The following TAFA1 variants were observed in gnomAD, a reference collection of about 807,000 sequenced individuals.
TAFA1 encodes the protein TAFA chemokine like family member 1.
Under a neutral mutation model 18.5 loss-of-function variants are expected in TAFA1, and 4 were observed. That is an observed-to-expected ratio of 0.22 (90% CI 0.11 to 0.49). TAFA1 has a LOEUF of 0.49. Among genes scored for constraint, TAFA1 ranks in the 20% least tolerant of loss-of-function variants. TAFA1 has a pLI of 0.98. For synonymous variants in TAFA1, 56 were observed against 55.2 expected (o/e 1.01, Z -0.06); for missense variants, 147 against 169.0 (o/e 0.87, Z 0.72).
At chr3:68,448,796 AT>A (rs1384633159) in intron 3 of TAFA1, among the ~76,000 whole-genome samples, 1 of 152,188 alleles carries the variant, frequency 6.6e-6, no homozygotes, top group Non-Finnish European at 1.5e-5. Flanking sequence ...CTGGGTTTTC[AT>A]TTTCTCACTG....
intron 3 of TAFA1, among the ~76,000 whole-genome samples, chr3:68,477,239 A>G (rs1464904736): frequency 6.6e-6 from 1 of 152,096 alleles, no homozygotes; most frequent in Non-Finnish European, 1.5e-5. Context: ...ATATTGTTGC[A>G]TATAATAGTT....
the TAFA1 span, among the ~76,000 whole-genome samples, chr3:67,994,059 C>A: frequency 4.6e-5 from 7 of 152,204 alleles, no homozygotes; most frequent in Non-Finnish European, 8.8e-5. Context: ...TTTCCATATT[C>A]TTTCATGATG....
At chr3:68,299,489 C>T (rs544858594) in intron 2 of TAFA1, among the ~76,000 whole-genome samples, 4 of 152,192 alleles carry the variant, frequency 2.6e-5, no homozygotes, top group South Asian at 2.1e-4. Flanking sequence ...GGAAGCAGAG[C>T]GTAAAAGTTT....
intron 2 of TAFA1, among the ~76,000 whole-genome samples, chr3:68,136,906 A>T (rs1441083582): frequency 6.6e-6 from 1 of 152,316 alleles, no homozygotes; most frequent in East Asian, 1.9e-4. Context: ...ATTTCAAAGG[A>T]TACTTCAGTG....
intron 2 of TAFA1, among the ~76,000 whole-genome samples, chr3:68,100,265 A>G (rs1232241162): frequency 6.6e-6 from 1 of 152,120 alleles, no homozygotes; most frequent in Admixed American, 6.6e-5. Context: ...CATGCAGATC[A>G]TTTGAGGTTA....
intron 2 of TAFA1, among the ~76,000 whole-genome samples, chr3:68,038,089 A>G (rs980708873): frequency 6.6e-6 from 1 of 152,200 alleles, no homozygotes; most frequent in Non-Finnish European, 1.5e-5. Context: ...AGGAAATCAC[A>G]GGGCGATGCT....
chr3:68,409,762 T>G (rs2070677453), intron 2 of TAFA1, among the ~76,000 whole-genome samples: 2 of 152,120 alleles, frequency 1.3e-5, no homozygotes, highest in Non-Finnish European at 2.9e-5. Context: ...ATTCAAAAAA[T>G]TTGACCCAGT....
At chr3:68,444,342 T>A (rs1228225854) in intron 3 of TAFA1, among the ~76,000 whole-genome samples, 1 of 152,192 alleles carries the variant, frequency 6.6e-6, no homozygotes, top group Non-Finnish European at 1.5e-5. Flanking sequence ...TCACATCCAA[T>A]GTAATTCCCT....
intron 2 of TAFA1, among the ~76,000 whole-genome samples, chr3:68,398,292 A>C (rs2070423368): frequency 6.6e-6 from 1 of 152,198 alleles, no homozygotes; most frequent in Admixed American, 6.5e-5. Flanking sequence ...CTGATCTTCC[A>C]CAAACCTGAC....
intron 2 of TAFA1, among the ~76,000 whole-genome samples, chr3:68,258,954 T>A (rs1490761793): frequency 6.6e-6 from 1 of 152,116 alleles, no homozygotes; most frequent in Non-Finnish European, 1.5e-5. Context: ...TGATCAAGAG[T>A]GCCCACGCAG....
intron 3 of TAFA1, among the ~76,000 whole-genome samples, chr3:68,532,986 C>A (rs1035021816): frequency 4.0e-5 from 6 of 150,834 alleles, no homozygotes; most frequent in East Asian, 1.9e-4. Flanking sequence ...GAAAAAGAGA[C>A]ACCAGTCACC....
rs899543761 is a variant in TAFA1 at position 68,119,052 on chromosome 3, G to GT, written c.118+112318dup. On this transcript the variant is annotated intron_variant, in intron 2 of 4. Transcript: ENST00000478136. ...CCAAAACTTATTTTCTTTTTTTTGG[G>GT]TTTTTTTTTTGATAGTAGCCATACA... 2.7e-3 allele frequency among the ~76,000 whole-genome samples: 399 copies of GT among 145,898 alleles called. 2 individuals are homozygous for GT. Among genetic ancestry groups the GT allele is most frequent in the African/African-American group, 7.6e-3 (304 of 39,962 alleles).
intron 2 of TAFA1, among the ~76,000 whole-genome samples, chr3:68,311,253 T>G (rs1234852706): frequency 6.6e-6 from 1 of 152,116 alleles, no homozygotes; most frequent in Non-Finnish European, 1.5e-5. Flanking sequence ...AGATGAGATT[T>G]GGGTGGGGAC....
At chr3:68,421,002 C>T (rs1028058582) in intron 3 of TAFA1, among the ~76,000 whole-genome samples, 2 of 152,094 alleles carry the variant, frequency 1.3e-5, no homozygotes, top group Non-Finnish European at 2.9e-5. Flanking sequence ...GCCTTGAAGC[C>T]GTTAACTATA....
chr3:68,135,087 G>A (rs1042872905), intron 2 of TAFA1, among the ~76,000 whole-genome samples: 3 of 152,128 alleles, frequency 2.0e-5, no homozygotes, highest in African/African-American at 4.8e-5. Context: ...GTTCCAGATT[G>A]GAAGAACAAG....
rs755782307 is a variant in TAFA1 at position 68,486,078 on chromosome 3, TTTTATTTTATTTTATTTTATTTTGTTTTA to T, written c.260-52674_260-52646del. Among the ~76,000 whole-genome samples, 336 of 90,666 alleles carry T rather than the reference TTTTATTTTATTTTATTTTATTTTGTTTTA, an allele frequency of 3.7e-3. 1 individual carries two copies. The highest frequency in any genetic ancestry group is 8.7e-3 in the African/African-American group (209 of 24,146). The allele number at this position is 90,666 out of a possible 152,430, so 59.5% of individuals were successfully genotyped here. On this transcript the variant is annotated intron_variant, in intron 3 of 4. Transcript: ENST00000478136. ...ATTCCTGGCTAAATTTTTATTTTTA[TTTTATTTTATTTTATTTTATTTTGTTTTA>T]TTTTATTTTATTTTATTTTATTTTA...
At chr3:68,074,917 T>C (rs997768425) in intron 2 of TAFA1, among the ~76,000 whole-genome samples, 1 of 152,204 alleles carries the variant, frequency 6.6e-6, no homozygotes, top group Non-Finnish European at 1.5e-5. Flanking sequence ...TCTCTGAAAT[T>C]GTTGCAACAA....
chr3:68,162,824 C>T (rs1371390017), intron 2 of TAFA1, among the ~76,000 whole-genome samples: 1 of 152,134 alleles, frequency 6.6e-6, no homozygotes, highest in Non-Finnish European at 1.5e-5. Context: ...ACCTAAAGTG[C>T]TTTCTAGTGC....
intron 2 of TAFA1, among the ~76,000 whole-genome samples, chr3:68,330,492 T>G (rs2106728075): frequency 6.6e-6 from 1 of 152,346 alleles, no homozygotes; most frequent in East Asian, 1.9e-4. Flanking sequence ...TAAGTCTTAT[T>G]TTGCTTTGAA....
Sources: allele counts gnomAD v4.1 joint callset (sites outside exome capture counted in the v4.1 genomes callset), GRCh38; gene constraint gnomAD v4.1.1; transcripts MANE v1.5; gene names NCBI Gene and HGNC (gene_info 2026-07-23, HGNC 2026-07-21).